FBXL7: variants seen among roughly 807,000 people sequenced by gnomAD.
FBXL7 encodes F-box and leucine rich repeat protein 7.
In FBXL7, 12 loss-of-function variants were observed where a neutral mutation model predicts 38.3. That is an observed-to-expected ratio of 0.31 (90% CI 0.20 to 0.51). The LOEUF (loss-of-function observed/expected upper bound fraction) is 0.51. Ranked by LOEUF, FBXL7 falls within the 20% of genes least tolerant of loss-of-function variation. The pLI is 0.98. For missense variants in FBXL7, 567 were observed against 676.4 expected (o/e 0.84, Z 1.79); for synonymous variants, 297 against 300.9 (o/e 0.99, Z 0.13).
At chr5:15,839,928 A>T (rs1373363926) in intron 2 of FBXL7, among the ~76,000 whole-genome samples, 2 of 152,230 alleles carry the variant, frequency 1.3e-5, no homozygotes, top group African/African-American at 4.8e-5. Context: ...TTTTACAACT[A>T]AATGGTTACA....
At chr5:15,885,975 C>G (rs1054437330) in intron 2 of FBXL7, among the ~76,000 whole-genome samples, 5 of 152,100 alleles carry the variant, frequency 3.3e-5, no homozygotes, top group Admixed American at 2.0e-4. Context: ...CCTGACTCAG[C>G]CTCTCAAAGT....
At position 15,539,778 on chromosome 5, in the gene FBXL7, C is replaced by T. The variant is rs138257372; in HGVS notation, c.37+39065C>T. Among the ~76,000 whole-genome samples, 41 of 152,082 alleles carry T rather than the reference C, an allele frequency of 2.7e-4. No homozygotes were observed. In the East Asian group the frequency reaches 3.1e-3, roughly 11 times the overall value. On this transcript the variant is annotated intron_variant, in intron 1 of 3. Transcript: ENST00000504595. The stretch of plus-strand genomic sequence containing the variant: ...TGTACAAATAATACTATATTTATTA[C>T]AGTGGCACTCTGCGTTTAACTCAGG...
At chr5:15,734,411 G>T (rs1735695049) in intron 2 of FBXL7, among the ~76,000 whole-genome samples, 1 of 152,220 alleles carries the variant, frequency 6.6e-6, no homozygotes, top group African/African-American at 2.4e-5. Context: ...TAGACTTTGG[G>T]CAAGACATTT....
At chr5:15,819,799 C>CT (rs1738123045) in intron 2 of FBXL7, among the ~76,000 whole-genome samples, 1 of 152,172 alleles carries the variant, frequency 6.6e-6, no homozygotes, top group South Asian at 2.1e-4. Context: ...CAAGCCCTGT[C>CT]TGAGTTCTAA....
intron 2 of FBXL7, among the ~76,000 whole-genome samples, chr5:15,787,070 G>A (rs528822119): frequency 6.6e-6 from 1 of 152,346 alleles, no homozygotes; most frequent in South Asian, 2.1e-4. Flanking sequence ...GCCACCAGCA[G>A]CTGGAAGAGG....
chr5:15,930,092 GC>G (rs758806931), intron 3 of FBXL7, among the ~76,000 whole-genome samples: 4 of 152,166 alleles, frequency 2.6e-5, no homozygotes, highest in Non-Finnish European at 4.4e-5. Flanking sequence ...GCAGCTCGCT[GC>G]TCCTCTACTT....
At position 15,568,049 on chromosome 5, in the gene FBXL7, A is replaced by G. The variant is rs558011570; in HGVS notation, c.38-47934A>G. Among the ~76,000 whole-genome samples, 12 of 152,304 alleles carry G rather than the reference A, an allele frequency of 7.9e-5. No homozygotes were observed. The South Asian group carries it at 2.1e-3, about 26-fold the overall frequency. ...CTTTGCTATTGTGAATAGTGCCACA[A>G]TAAACATATGTGTGCATGTGTCTTT... On this transcript the variant is annotated intron_variant, in intron 1 of 3. Transcript: ENST00000504595.
intron 1 of FBXL7, among the ~76,000 whole-genome samples, chr5:15,592,520 A>G (rs1308880293): frequency 1.3e-5 from 2 of 152,152 alleles, no homozygotes; most frequent in Non-Finnish European, 2.9e-5. Flanking sequence ...TTTTTTCTAT[A>G]GAGTGCCTGA....
chr5:15,792,797 C>T (rs1202285801), intron 2 of FBXL7, among the ~76,000 whole-genome samples: 1 of 152,124 alleles, frequency 6.6e-6, no homozygotes, highest in African/African-American at 2.4e-5. Flanking sequence ...GGGATGAGGC[C>T]CCCTCTCCTG....
chr5:15,753,197 G>A (rs1736201450), intron 2 of FBXL7, among the ~76,000 whole-genome samples: 10 of 152,036 alleles, frequency 6.6e-5, no homozygotes, highest in Admixed American at 6.6e-4. Context: ...TCCCCGTATA[G>A]TGCTTGTGAC....
intron 2 of FBXL7, among the ~76,000 whole-genome samples, chr5:15,786,195 A>C (rs1398762000): frequency 1.3e-5 from 2 of 152,208 alleles, no homozygotes; most frequent in African/African-American, 4.8e-5. Flanking sequence ...ATTCTCAGTA[A>C]TCATTGTACT....
chr5:15,934,477 T>C (rs2126470530), intron 3 of FBXL7, among the ~76,000 whole-genome samples: 1 of 151,876 alleles, frequency 6.6e-6, no homozygotes, highest in African/African-American at 2.4e-5. Flanking sequence ...TATATATAAA[T>C]ATATAAATTA....
At chr5:15,558,033 G>C (rs1738302873) in intron 1 of FBXL7, among the ~76,000 whole-genome samples, 1 of 152,182 alleles carries the variant, frequency 6.6e-6, no homozygotes. Flanking sequence ...TACGGATATA[G>C]AGCTTCTGTT....
chr5:15,870,945 A>G (rs1481157115), intron 2 of FBXL7, among the ~76,000 whole-genome samples: 1 of 152,232 alleles, frequency 6.6e-6, no homozygotes, highest in African/African-American at 2.4e-5. Flanking sequence ...CTCCCAGCAC[A>G]GCGTTCAAGC....
intron 2 of FBXL7, among the ~76,000 whole-genome samples, chr5:15,670,015 A>C (rs1000461447): frequency 2.0e-5 from 3 of 152,138 alleles, no homozygotes; most frequent in African/African-American, 7.2e-5. Flanking sequence ...TGCCACAAAG[A>C]CCACAGAGTA....
intron 1 of FBXL7, among the ~76,000 whole-genome samples, chr5:15,582,370 G>A (rs1336735509): frequency 6.6e-6 from 1 of 152,194 alleles, no homozygotes; most frequent in African/African-American, 2.4e-5. Context: ...CATAGGAAGC[G>A]ATGGATCAAT....
At chr5:15,538,158 G>A (rs1737639930) in intron 1 of FBXL7, among the ~76,000 whole-genome samples, 1 of 152,164 alleles carries the variant, frequency 6.6e-6, no homozygotes, top group South Asian at 2.1e-4. Context: ...TTCTAAGGGG[G>A]TAGTGGAGGA....
chr5:15,636,621 T>C (rs1741194532), intron 2 of FBXL7, among the ~76,000 whole-genome samples: 1 of 152,202 alleles, frequency 6.6e-6, no homozygotes, highest in Non-Finnish European at 1.5e-5. Context: ...AGCCTGTTCT[T>C]TTACCTGAAT....
chr5:15,751,118 C>T (rs948080135), intron 2 of FBXL7, among the ~76,000 whole-genome samples: 2 of 152,086 alleles, frequency 1.3e-5, no homozygotes, highest in African/African-American at 4.8e-5. Flanking sequence ...TGATTTCTGA[C>T]CATTGTGTGC....
Sources: gnomAD v4.1 joint callset for allele counts (sites outside exome capture counted in the v4.1 genomes callset) on GRCh38, gnomAD v4.1.1 for gene constraint, MANE v1.5 for transcripts, NCBI Gene and HGNC (gene_info 2026-07-23, HGNC 2026-07-21) for gene names.